DRD2: variants seen among roughly 807,000 people sequenced by gnomAD.
DRD2 encodes dopamine receptor D2.
DRD2 carries 8 observed loss-of-function variants against 38.0 expected under a neutral mutation model. The observed-to-expected ratio is 0.21, with a 90% CI of 0.12 to 0.38. DRD2 has a LOEUF of 0.38. DRD2 is among the 10% of genes least tolerant of loss of function. The probability of loss-of-function intolerance (pLI) is 1.00; values close to 1 mark genes in which losing one functional copy is unlikely to be tolerated. For missense variants in DRD2, 403 were observed against 607.7 expected (o/e 0.66, Z 3.54); for synonymous variants, 230 against 238.6 (o/e 0.96, Z 0.33).
intron 1 of DRD2, among the ~76,000 whole-genome samples, chr11:113,444,105 G>A (rs1056486809): frequency 4.6e-5 from 7 of 152,040 alleles, no homozygotes; most frequent in African/African-American, 9.7e-5. Context: ...GCACAATTTC[G>A]GCTGACTGCA....
chr11:113,465,413 TG>T (rs1951359141), intron 1 of DRD2, among the ~76,000 whole-genome samples: 1 of 63,340 alleles, frequency 1.6e-5, no homozygotes, highest in Non-Finnish European at 3.9e-5. Flanking sequence ...TTGTTGTTGT[TG>T]TTTGTTTGTT....
chr11:113,440,507 C>T (rs183192024), intron 1 of DRD2, among the ~76,000 whole-genome samples: 2 of 152,314 alleles, frequency 1.3e-5, no homozygotes, highest in Non-Finnish European at 2.9e-5. Context: ...GGGAAAAAGG[C>T]TGCGCCTTTG....
intron 1 of DRD2, among the ~76,000 whole-genome samples, chr11:113,436,062 C>A (rs1951032809): frequency 6.6e-6 from 1 of 152,224 alleles, no homozygotes; most frequent in South Asian, 2.1e-4. Flanking sequence ...CCACGTTTCT[C>A]ATCCTTCGGC....
intron 6 of DRD2, chr11:113,413,976 A>G (rs951956147): frequency 9.0e-6 from 3 of 333,388 alleles, no homozygotes; most frequent in Admixed American, 4.1e-5. Flanking sequence ...AACTCTTGAG[A>G]CGGGTGAGTT....
At chr11:113,453,427 T>A (rs1951235449) in intron 1 of DRD2, among the ~76,000 whole-genome samples, 2 of 152,228 alleles carry the variant, frequency 1.3e-5, no homozygotes, top group South Asian at 4.1e-4. Context: ...GTTAACTATT[T>A]TAACTGAGAA....
chr11:113,414,342 ACCTGGCTCTGGGTCCCTGG>A lies in DRD2; in HGVS notation c.810+14_810+32del. ...AGTGGGCTTCCCTAGGGGCAGAAAG[ACCTGGCTCTGGGTCCCTGG>A]CCTGAGCACTTACCACTCTCCGCCT... On this transcript the variant is annotated intron_variant, in intron 6 of 7. Transcript: ENST00000362072. 1 of 1,600,090 alleles carries A rather than the reference ACCTGGCTCTGGGTCCCTGG, an allele frequency of 6.2e-7. No individual in the cohort carries two copies. The highest frequency in any genetic ancestry group is 8.6e-7 in the Non-Finnish European group (1 of 1,167,264).
Position 113,424,512 on chromosome 11 carries a change from A to C in DRD2, c.140T>G (p.Val47Gly). 2 of 1,614,232 alleles carry C rather than the reference A, an allele frequency of 1.2e-6. No individual in the cohort carries two copies. Among genetic ancestry groups the C allele is most frequent in the Non-Finnish European group, 1.7e-6 (2 of 1,180,038 alleles). The change falls in exon 2 of 8, where the codon GTC (valine) becomes GGC (glycine). Residue 47 changes from valine (V) to glycine (G), a missense_variant. Physicochemically the swap from Val to Gly is moderately radical, Grantham distance 109. Coordinates refer to ENST00000362072, the MANE Select transcript of DRD2 (RefSeq NM_000795.4). ...CACCAGCACGTTGCCGAAGACGATG[A>C]CAGCGATGAGCAGGGTGAGCAGTGT... ...YATLLTLLIA[V>G]IVFGNVLVCM... is the part of the protein sequence containing the mutation.
chr11:113,474,481 G>A (rs1482075380), intron 1 of DRD2: 2 of 152,292 alleles, frequency 1.3e-5, no homozygotes, highest in African/African-American at 4.8e-5. Flanking sequence ...CCCAAGAGAA[G>A]GCGAAGGAGA....
intron 2 of DRD2, among the ~76,000 whole-genome samples, chr11:113,419,291 C>G (rs184984763): frequency 1.3e-5 from 2 of 152,162 alleles, no homozygotes; most frequent in Admixed American, 1.3e-4. Flanking sequence ...ACCCAGAGAA[C>G]GAAAGAAGGC....
chr11:113,443,619 A>G (rs1353160721), intron 1 of DRD2, among the ~76,000 whole-genome samples: 2 of 152,350 alleles, frequency 1.3e-5, no homozygotes, highest in African/African-American at 4.8e-5. Context: ...TCCTCCTAGC[A>G]TACCAGGAGA....
intron 1 of DRD2, among the ~76,000 whole-genome samples, chr11:113,468,527 G>A (rs7939472): frequency 2.0e-5 from 3 of 152,058 alleles, no homozygotes; most frequent in African/African-American, 7.3e-5. Flanking sequence ...ATTGATCAGG[G>A]TTTTTTTTGT....
chr11:113,414,291 G>A, intron 6 of DRD2, 84 bp downstream of exon 6: 2 of 1,339,726 alleles, frequency 1.5e-6, no homozygotes, highest in Non-Finnish European at 1.1e-6. Flanking sequence ...CCATTGGCCA[G>A]CTTCTGAGGT....
chr11:113,421,708 G>A (rs1950885723), intron 2 of DRD2, among the ~76,000 whole-genome samples: 1 of 152,218 alleles, frequency 6.6e-6, no homozygotes, highest in Non-Finnish European at 1.5e-5. Context: ...AAATCTGGAT[G>A]ACAAGAGCAT....
At position 113,415,857 on chromosome 11, in the gene DRD2, A is replaced by G. The variant is rs191203085; in HGVS notation, c.533-246T>C. On this transcript the variant is annotated intron_variant, in intron 4 of 7. Transcript: ENST00000362072. Reference sequence around the variant, plus strand: ...TGATGGACTGCTCCCAAGTCTTTCCATTACTATTCCCTCATTACTTGGTCA... The same window carrying G: ...TGATGGACTGCTCCCAAGTCTTTCCGTTACTATTCCCTCATTACTTGGTCA... Among the ~76,000 whole-genome samples, 438 of 152,356 alleles carry G rather than the reference A, an allele frequency of 2.9e-3. 3 individuals carry two copies. Among genetic ancestry groups the G allele is most frequent in the Middle Eastern group, 6.8e-3 (2 of 294 alleles).
intron 1 of DRD2, among the ~76,000 whole-genome samples, chr11:113,455,266 G>A (rs1406698408): frequency 6.6e-6 from 1 of 152,166 alleles, no homozygotes; most frequent in East Asian, 1.9e-4. Flanking sequence ...GGGAGGCTGA[G>A]GCAGAGAATT....
rs571518293 is a variant in DRD2, at chr11:113,425,019, T to G, written c.-31-337A>C. The G allele has an allele frequency of 1.4e-4, 47 of 325,722 alleles. 1 individual carries two copies. The South Asian group carries it at 1.6e-3, about 11-fold the overall frequency. The allele number at this position is 325,722 out of a possible 1,614,324, so 20.2% of individuals were successfully genotyped here. ...CTTCAGTTAACCAGGCTTGCTACCT[T>G]CTAGTCATCGAAACAGAAATGGGTA... is the stretch of plus-strand genomic sequence containing the variant. On this transcript the variant is annotated intron_variant, in intron 1 of 7. Transcript: ENST00000362072.
At chr11:113,430,970 A>T (rs914012135) in intron 1 of DRD2, among the ~76,000 whole-genome samples, 1 of 152,228 alleles carries the variant, frequency 6.6e-6, no homozygotes, top group Non-Finnish European at 1.5e-5. Flanking sequence ...ATAAAGTGGC[A>T]CAGTATATTT....
chr11:113,411,895 T>A (rs1356761387), intron 7 of DRD2: 1 of 152,874 alleles, frequency 6.5e-6, no homozygotes, highest in Admixed American at 6.5e-5. Flanking sequence ...CCCATATCAG[T>A]CCACCTTTTG....
At chr11:113,459,195 G>A (rs973227860) in intron 1 of DRD2, among the ~76,000 whole-genome samples, 3 of 152,156 alleles carry the variant, frequency 2.0e-5, no homozygotes, top group African/African-American at 7.2e-5. Context: ...TGCATATAAG[G>A]AAGATAATAT....
Sources: gnomAD v4.1 joint callset for allele counts (sites outside exome capture counted in the v4.1 genomes callset) on GRCh38, gnomAD v4.1.1 for gene constraint, MANE v1.5 for transcripts, NCBI Gene and HGNC (gene_info 2026-07-23, HGNC 2026-07-21) for gene names.